The following ZEB1 variants were observed in gnomAD, a reference collection of about 807,000 sequenced individuals.
The protein encoded by ZEB1 is zinc finger E-box-binding homeobox 1.
ZEB1 carries 21 observed loss-of-function variants against 84.9 expected under a neutral mutation model. The ratio of observed to expected loss-of-function variants is 0.25; its 90% CI spans 0.18 to 0.36. ZEB1 has a LOEUF of 0.36. Ranked by LOEUF, ZEB1 falls within the 10% of genes least tolerant of loss-of-function variation. The pLI is 1.00. For synonymous variants in ZEB1, 420 were observed against 471.1 expected (o/e 0.89, Z 1.41); for missense variants, 1,104 against 1,330.2 (o/e 0.83, Z 2.65).
intron 1 of ZEB1, among the ~76,000 whole-genome samples, chr10:31,394,937 G>T (rs1275502200): frequency 6.6e-6 from 1 of 150,870 alleles, no homozygotes; most frequent in African/African-American, 2.5e-5. Flanking sequence ...TTGGATGAGG[G>T]GATGAAGAAT....
At chr10:31,441,381 C>T (rs1312887243) in intron 1 of ZEB1, among the ~76,000 whole-genome samples, 1 of 152,166 alleles carries the variant, frequency 6.6e-6, no homozygotes, top group Non-Finnish European at 1.5e-5. Flanking sequence ...TGGATCCTTT[C>T]CTTACACCTG....
intron 1 of ZEB1, among the ~76,000 whole-genome samples, chr10:31,414,043 T>C (rs1000408998): frequency 6.6e-6 from 1 of 152,218 alleles, no homozygotes; most frequent in Non-Finnish European, 1.5e-5. Context: ...AAATTCGGAA[T>C]CATTTTTGAC....
chr10:31,494,274 G>C (rs1455158258), intron 2 of ZEB1, among the ~76,000 whole-genome samples: 1 of 151,980 alleles, frequency 6.6e-6, no homozygotes, highest in Non-Finnish European at 1.5e-5. Context: ...TTTTTAAACT[G>C]TCATTTTGCT....
At chr10:31,378,234 T>C (rs1165716678) in intron 1 of ZEB1, among the ~76,000 whole-genome samples, 1 of 151,614 alleles carries the variant, frequency 6.6e-6, no homozygotes, top group East Asian at 1.9e-4. Context: ...TCCAGTTGTT[T>C]ATTAGTGTCG....
intron 1 of ZEB1, chr10:31,321,655 TCTGTGCAGCTG>T (rs2034095116): frequency 7.3e-7 from 1 of 1,362,034 alleles, no homozygotes. Context: ...CCACCCAGCG[TCTGTGCAGCTG>T]CTGTAAACAT....
At chr10:31,523,652 T>G (rs1186731599) in intron 7 of ZEB1, among the ~76,000 whole-genome samples, 1 of 152,238 alleles carries the variant, frequency 6.6e-6, no homozygotes, top group Non-Finnish European at 1.5e-5. Flanking sequence ...TGCTTTCTTT[T>G]CGGTGTCCTT....
At chr10:31,321,200 T>C (rs920598892) in intron 1 of ZEB1, 4 of 1,103,118 alleles carry the variant, frequency 3.6e-6, no homozygotes, top group Non-Finnish European at 4.4e-6. Flanking sequence ...TTTTAGATTT[T>C]GTGTGGGATT....
chr10:31,520,015 C>A lies in ZEB1; in HGVS notation c.794-111C>A. On this transcript the variant is annotated intron_variant, in intron 6 of 8. Coordinates refer to ENST00000424869, the MANE Select transcript of ZEB1 (RefSeq NM_001174096.2). This position sits in a 1 kb window ranked among gnomAD's most constrained non-coding sequence, Gnocchi z 5.1. ...TAAATACAGTTCTGTCACAAGCATGCATGGCAGTCTTCTTTTTAAAATTGA... is the reference window on the plus strand; with the variant it reads ...TAAATACAGTTCTGTCACAAGCATGAATGGCAGTCTTCTTTTTAAAATTGA... 1 of 1,362,884 alleles carries A rather than the reference C, an allele frequency of 7.3e-7. No individual in the cohort carries two copies. The allele number at this position is 1,362,884 out of a possible 1,614,324, so 84.4% of individuals were successfully genotyped here. A position where few individuals can be genotyped will look rare whatever the true frequency, so the allele number is the denominator to read the frequency against.
In ZEB1 at chr10:31,515,237, C is replaced by T. The variant is rs577265174; in HGVS notation, c.793+529C>T. 1.1e-3 allele frequency among the ~76,000 whole-genome samples: 165 copies of T among 152,124 alleles called. 1 individual carries two copies. The highest frequency in any genetic ancestry group is 1.9e-3 in the Non-Finnish European group (129 of 67,914). ...CACCCACCATCTTCACCTGTCTATT[C>T]CATGTCATTCTGTAAATTATTACTT... is the stretch of plus-strand genomic sequence containing the variant. On this transcript the variant is annotated intron_variant, in intron 6 of 8. Transcript: ENST00000424869.
chr10:31,355,469 A>G (rs563691791), intron 1 of ZEB1, among the ~76,000 whole-genome samples: 107 of 152,306 alleles, frequency 7.0e-4, no homozygotes, highest in African/African-American at 2.4e-3. Flanking sequence ...CAGCTTTGGA[A>G]CTAAACAAAT....
chr10:31,448,635 A>G (rs991697921), intron 1 of ZEB1, among the ~76,000 whole-genome samples: 2 of 151,966 alleles, frequency 1.3e-5, no homozygotes, highest in Non-Finnish European at 2.9e-5. Flanking sequence ...TCTTACAGAC[A>G]GGACCCTCAG....
At chr10:31,449,061 C>T (rs1052908892) in intron 1 of ZEB1, among the ~76,000 whole-genome samples, 13 of 152,202 alleles carry the variant, frequency 8.5e-5, no homozygotes, top group Non-Finnish European at 1.6e-4. Flanking sequence ...TAGCAACCAG[C>T]GAGACTCCGT....
chr10:31,482,423 G>C (rs2065162496), intron 2 of ZEB1, among the ~76,000 whole-genome samples: 1 of 151,560 alleles, frequency 6.6e-6, no homozygotes, highest in African/African-American at 2.4e-5. Context: ...GGTTACAGGA[G>C]GTTATGGACA....
chr10:31,345,945 T>C (rs2040230777), intron 1 of ZEB1, among the ~76,000 whole-genome samples: 1 of 152,106 alleles, frequency 6.6e-6, no homozygotes, highest in African/African-American at 2.4e-5. Context: ...ATTCTTAAAG[T>C]GGAAAGGGAC....
chr10:31,363,528 A>G, intron 1 of ZEB1: 2 of 1,528,598 alleles, frequency 1.3e-6, no homozygotes, highest in Non-Finnish European at 1.8e-6. Flanking sequence ...GGCCCCTTTT[A>G]TTGTCCTCCT....
intron 6 of ZEB1, among the ~76,000 whole-genome samples, chr10:31,518,106 ATG>A (rs1234007276): frequency 6.6e-6 from 1 of 152,190 alleles, no homozygotes; most frequent in Non-Finnish European, 1.5e-5. Context: ...TCATGTAAAA[ATG>A]TTATCAAGTA....
intron 2 of ZEB1, among the ~76,000 whole-genome samples, chr10:31,478,891 T>C (rs2064657947): frequency 6.6e-6 from 1 of 151,766 alleles, no homozygotes; most frequent in South Asian, 2.1e-4. Flanking sequence ...CGGATTTTTA[T>C]AATTCGAATT....
intron 1 of ZEB1, among the ~76,000 whole-genome samples, chr10:31,378,050 A>G (rs901407508): frequency 6.7e-6 from 1 of 150,142 alleles, no homozygotes; most frequent in Non-Finnish European, 1.5e-5. Context: ...TTATGCATAG[A>G]CAGATAATAT....
At chr10:31,411,242 A>G (rs1359802416) in intron 1 of ZEB1, among the ~76,000 whole-genome samples, 1 of 152,224 alleles carries the variant, frequency 6.6e-6, no homozygotes, top group Non-Finnish European at 1.5e-5. Context: ...TGGAAACTGA[A>G]CAACCTGCTC....
Sources: allele counts gnomAD v4.1 joint callset (sites outside exome capture counted in the v4.1 genomes callset), GRCh38; gene constraint gnomAD v4.1.1; non-coding constraint Gnocchi (gnomAD v3.1); transcripts MANE v1.5; gene names NCBI Gene and HGNC (gene_info 2026-07-23, HGNC 2026-07-21).